The following PCDHGA4 variants were observed in gnomAD, a reference collection of about 807,000 sequenced individuals.
PCDHGA4 encodes the protein protocadherin gamma subfamily A, 4.
A neutral mutation model predicts 54.6 loss-of-function variants in PCDHGA4; 38 were observed. The ratio of observed to expected loss-of-function variants is 0.70; its 90% confidence interval spans 0.54 to 0.91. The LOEUF (loss-of-function observed/expected upper bound fraction) is 0.91. Among genes scored for constraint, PCDHGA4 ranks in the 40% least tolerant of loss-of-function variants. The probability of loss-of-function intolerance (pLI) is 0.00; values close to 1 mark genes in which losing one functional copy is unlikely to be tolerated. For synonymous variants in PCDHGA4, 511 were observed against 512.9 expected (o/e 1.00, Z 0.05); for missense variants, 1,298 against 1,220.9 (o/e 1.06, Z -0.94).
intron 1 of PCDHGA4, chr5:141,393,928 A>G: frequency 2.5e-6 from 4 of 1,614,004 alleles, no homozygotes; most frequent in South Asian, 2.2e-5. Flanking sequence ...TTGAGTGTGC[A>G]TGACCAAGAC....
At position 141,490,649 on chromosome 5, in the gene PCDHGA4, G is replaced by C. The variant is rs1428223995; in HGVS notation, c.2515-4158G>C. 1 of 1,614,148 alleles carries C rather than the reference G, an allele frequency of 6.2e-7. No homozygotes were observed. Among genetic ancestry groups the C allele is most frequent in the Admixed American group, 1.7e-5 (1 of 60,018 alleles). On this transcript the variant is annotated intron_variant, in intron 1 of 3. Coordinates refer to ENST00000571252, the MANE Select transcript of PCDHGA4 (RefSeq NM_018917.4). The surrounding 1 kb of genome is among the most constrained non-coding windows in gnomAD (Gnocchi z 5.4). ...TACATCCTAGAAAACCGGCCTCCGG[G>C]CTCCCTTCTTTGCACTGTGGCTGCC...
intron 1 of PCDHGA4, chr5:141,415,663 T>C: frequency 6.3e-7 from 1 of 1,578,204 alleles, no homozygotes; most frequent in Non-Finnish European, 8.6e-7. Flanking sequence ...GATTGGTTTT[T>C]ACTTTGAAGT....
At chr5:141,420,413 A>T in intron 1 of PCDHGA4, 1 of 1,222,396 alleles carries the variant, frequency 8.2e-7, no homozygotes, top group Non-Finnish European at 1.1e-6. Context: ...GGTTATCATT[A>T]TTAAAACAAA....
At chr5:141,384,287 A>G in intron 1 of PCDHGA4, 1 of 1,613,838 alleles carries the variant, frequency 6.2e-7, no homozygotes, top group South Asian at 1.1e-5. Context: ...TACATCGCTG[A>G]GAACAACCCC....
chr5:141,366,156 T>G, intron 1 of PCDHGA4: 2 of 1,614,138 alleles, frequency 1.2e-6, no homozygotes, highest in African/African-American at 1.3e-5. Context: ...TACCGCCTGC[T>G]TAAGGCCAGC....
chr5:141,431,767 T>C lies in PCDHGA4; in HGVS notation c.2515-63040T>C. The C allele has an allele frequency of 1.2e-6, 2 of 1,614,224 alleles. No homozygotes were observed. Among genetic ancestry groups the C allele is most frequent in the Non-Finnish European group, 1.7e-6 (2 of 1,180,034 alleles). ...CTGCGCGAGCCAAAGTCCTGATCAC[T>C]GTTCTGGACGTGAACGACAATGCCC... On this transcript the variant is annotated intron_variant, in intron 1 of 3. Coordinates refer to ENST00000571252, the MANE Select transcript of PCDHGA4 (RefSeq NM_018917.4). This position sits in a 1 kb window ranked among gnomAD's most constrained non-coding sequence, Gnocchi z 4.8.
At position 141,491,651 on chromosome 5, in the gene PCDHGA4, A is replaced by G. The variant is rs1379494110; in HGVS notation, c.2515-3156A>G. 1.9e-6 allele frequency: 3 copies of G among 1,613,796 alleles called. 1 individual carries two copies. ...CAGCAGCCCACAGCTCTGGCGCTGGAGCCTGACGCCATCCGGTCCCGCTCT... is the reference window on the plus strand; with the variant it reads ...CAGCAGCCCACAGCTCTGGCGCTGGGGCCTGACGCCATCCGGTCCCGCTCT... On this transcript the variant is annotated intron_variant, in intron 1 of 3. Coordinates refer to ENST00000571252, the MANE Select transcript of PCDHGA4 (RefSeq NM_018917.4). The surrounding 1 kb of genome is among the most constrained non-coding windows in gnomAD (Gnocchi z 6.9).
At chr5:141,358,601 T>C (rs931374917) in intron 1 of PCDHGA4, among the ~76,000 whole-genome samples, 5 of 152,228 alleles carry the variant, frequency 3.3e-5, no homozygotes, top group Non-Finnish European at 5.9e-5. Context: ...ACTCCTGTGA[T>C]TATGAGAAAT....
intron 1 of PCDHGA4, chr5:141,428,219 T>C (rs749413221): frequency 8.4e-7 from 1 of 1,195,778 alleles, no homozygotes. Context: ...CACCTAGTCT[T>C]CGCAGACAGC....
chr5:141,496,192 C>T (rs942276204), intron 2 of PCDHGA4, among the ~76,000 whole-genome samples: 1 of 152,098 alleles, frequency 6.6e-6, no homozygotes, highest in Non-Finnish European at 1.5e-5. Flanking sequence ...CCCAGCTGCT[C>T]ATTTCAATCT....
chr5:141,415,194 C>T (rs1252476580), intron 1 of PCDHGA4: 2 of 1,614,064 alleles, frequency 1.2e-6, no homozygotes, highest in Non-Finnish European at 1.7e-6. Context: ...ACAGCATCCC[C>T]CAAGTCCTGG....
In PCDHGA4 at chr5:141,476,264, G is replaced by A. The variant is rs753184649; in HGVS notation, c.2515-18543G>A. The A allele has an allele frequency of 2.5e-6, 4 of 1,614,082 alleles. No individual in the cohort carries two copies. The highest frequency in any genetic ancestry group is 3.4e-6 in the Non-Finnish European group (4 of 1,180,010). Reference sequence around the variant, plus strand: ...AGAGAAGGGTTTCGCTGTGGGCAACGTGGTCGCGAACCTTGGTTTGGATCT... The same window carrying A: ...AGAGAAGGGTTTCGCTGTGGGCAACATGGTCGCGAACCTTGGTTTGGATCT... On this transcript the variant is annotated intron_variant, in intron 1 of 3. Coordinates refer to ENST00000571252, the MANE Select transcript of PCDHGA4 (RefSeq NM_018917.4). The surrounding 1 kb of genome is among the most constrained non-coding windows in gnomAD (Gnocchi z 7.6).
chr5:141,408,043 A>G, intron 1 of PCDHGA4: 1 of 1,220,238 alleles, frequency 8.2e-7, no homozygotes, highest in Non-Finnish European at 1.1e-6. Context: ...ACCAGCTCCC[A>G]CACAGAGCCT....
intron 1 of PCDHGA4, chr5:141,391,637 G>T (rs2092401462): frequency 1.3e-5 from 2 of 152,192 alleles, no homozygotes; most frequent in Admixed American, 6.5e-5. Flanking sequence ...TTTAGTCAGT[G>T]AAAAAACTAT....
intron 1 of PCDHGA4, chr5:141,398,640 ACT>A (rs2093681875): frequency 1.9e-6 from 3 of 1,613,828 alleles, no homozygotes; most frequent in Non-Finnish European, 2.5e-6. Flanking sequence ...AGAAGTATAA[ACT>A]CTCTCTTAAC....
chr5:141,491,332 C>T lies in PCDHGA4; in HGVS notation c.2515-3475C>T, dbSNP rs1013118722. 2 of 1,614,072 alleles carry T rather than the reference C, an allele frequency of 1.2e-6. No individual in the cohort carries two copies. The highest frequency in any genetic ancestry group is 2.7e-5 in the African/African-American group (2 of 74,944). On this transcript the variant is annotated intron_variant, in intron 1 of 3. Coordinates refer to ENST00000571252, the MANE Select transcript of PCDHGA4 (RefSeq NM_018917.4). This position sits in a 1 kb window ranked among gnomAD's most constrained non-coding sequence, Gnocchi z 6.9. ...CCTTACCCTTTACCTCATTGTGGCT[C>T]TAGCGACCGTCAGTCTCTTATCCCT...
chr5:141,499,888 A>G (rs574246186), intron 2 of PCDHGA4, among the ~76,000 whole-genome samples: 105 of 152,174 alleles, frequency 6.9e-4, no homozygotes, highest in African/African-American at 2.4e-3. Flanking sequence ...GGGTTTCGCC[A>G]TGTTGGCCAG....
intron 3 of PCDHGA4, 111 bp from the exon 4 acceptor site, chr5:141,510,836 G>C: frequency 6.3e-7 from 1 of 1,584,882 alleles, no homozygotes; most frequent in African/African-American, 1.3e-5. Flanking sequence ...TGCTCAGCGT[G>C]GTCAAGGCCC....
At chr5:141,506,682 C>T (rs1333272766) in intron 3 of PCDHGA4, among the ~76,000 whole-genome samples, 4 of 152,192 alleles carry the variant, frequency 2.6e-5, no homozygotes, top group African/African-American at 9.6e-5. Context: ...ATATTATTAT[C>T]TTTGCTGACC....
Sources: gnomAD v4.1 joint callset for allele counts (sites outside exome capture counted in the v4.1 genomes callset) on GRCh38, gnomAD v4.1.1 for gene constraint, Gnocchi (gnomAD v3.1) non-coding constraint, MANE v1.5 for transcripts, NCBI Gene and HGNC (gene_info 2026-07-23, HGNC 2026-07-21) for gene names.